C2CD3: variants seen among roughly 807,000 people sequenced by gnomAD.
C2CD3 encodes C2 domain containing 3 centriole elongation regulator.
Under a neutral mutation model 234.0 loss-of-function variants are expected in C2CD3, and 148 were observed. The observed-to-expected ratio is 0.63, with a 90% CI of 0.55 to 0.72. C2CD3 has a LOEUF of 0.72. Ranked by LOEUF, C2CD3 falls within the 30% of genes least tolerant of loss-of-function variation. The pLI, the probability that C2CD3 is intolerant of heterozygous loss-of-function variation, is 0.00. For synonymous variants in C2CD3, 1,000 were observed against 1,035.4 expected, an observed-to-expected ratio of 0.97 and a Z score of 0.66; for missense variants, 2,577 against 2,811.5, an observed-to-expected ratio of 0.92 and a Z score of 1.89.
intron 31 of C2CD3, among the ~76,000 whole-genome samples, chr11:74,029,390 T>A (rs1229537672): frequency 1.3e-5 from 2 of 152,266 alleles, no homozygotes; most frequent in African/African-American, 4.8e-5. Flanking sequence ...TCCTGTCACC[T>A]AGCATAGTAC....
chr11:74,094,316 T>C (rs1956025211), intron 17 of C2CD3, among the ~76,000 whole-genome samples: 1 of 152,164 alleles, frequency 6.6e-6, no homozygotes, highest in African/African-American at 2.4e-5. Context: ...CATGTGCTTA[T>C]TAGCCATTTG....
In C2CD3 at chr11:74,037,633, A is replaced by G. The variant is rs138354490; in HGVS notation, c.5726T>C (p.Leu1909Pro). 285 of 1,614,026 alleles carry G rather than the reference A, an allele frequency of 1.8e-4. No individual in the cohort carries two copies. Among genetic ancestry groups the G allele is most frequent in the Middle Eastern group, 4.9e-4 (3 of 6,084 alleles). ...YFRQKLTKPF[L>P]PLSPQTQTAI... The stretch of plus-strand genomic sequence containing the variant: ...CGTTTGAGTCTGAGGGCTGAGGGGT[A>G]GGAAAGGCTTGGTGAGCTTCTGGCG... Residue 1909 changes from leucine to proline, a missense_variant, in exon 30 of 33, where the codon CTA becomes CCA. Leu to Pro is a moderately conservative substitution (Grantham distance 98). Coordinates refer to ENST00000334126, the MANE Select transcript of C2CD3 (RefSeq NM_001286577.2).
intron 22 of C2CD3, among the ~76,000 whole-genome samples, chr11:74,082,582 T>A (rs990279670): frequency 6.6e-6 from 1 of 152,190 alleles, no homozygotes; most frequent in African/African-American, 2.4e-5. Context: ...TGTGATGGAT[T>A]ATGTTTATTG....
chr11:74,108,222 A>G (rs2135502674), intron 12 of C2CD3: 1 of 152,130 alleles, frequency 6.6e-6, no homozygotes, highest in African/African-American at 2.4e-5. Context: ...ATGTAAATAC[A>G]TTGAAATGTT....
At chr11:74,091,573 C>T (rs1955895368) in intron 19 of C2CD3, among the ~76,000 whole-genome samples, 2 of 152,198 alleles carry the variant, frequency 1.3e-5, no homozygotes, top group Admixed American at 6.5e-5. Context: ...AGAGGGTACA[C>T]CATCCTGCTG....
rs942698494 is a variant in C2CD3, at chr11:74,078,502, T to G, written c.4216A>C (p.Thr1406Pro). Residue 1406 changes from threonine to proline, a missense_variant, in exon 23 of 33, where the codon ACT (threonine) becomes CCT (proline). Physicochemically the swap from Thr to Pro is conservative, Grantham distance 38. Coordinates refer to ENST00000334126, the MANE Select transcript of C2CD3 (RefSeq NM_001286577.2). ...FVRMDEGEPATVTISTPRLWL... is the reference protein window; with the variant it reads ...FVRMDEGEPAPVTISTPRLWL... Reference sequence around the variant, plus strand: ...AGCCTTGGGGTGGAGATGGTGACAGTGGCTGGCTCCCCTTCATCCATTCTG... The same window carrying G: ...AGCCTTGGGGTGGAGATGGTGACAGGGGCTGGCTCCCCTTCATCCATTCTG... 1.2e-6 allele frequency: 2 copies of G among 1,614,050 alleles called. No homozygotes were observed. Among genetic ancestry groups the G allele is most frequent in the African/African-American group, 2.7e-5 (2 of 74,932 alleles).
intron 24 of C2CD3, among the ~76,000 whole-genome samples, chr11:74,059,226 T>C (rs537267821): frequency 7.2e-5 from 11 of 151,888 alleles, no homozygotes; most frequent in African/African-American, 1.7e-4. Flanking sequence ...CTGCCTAACA[T>C]GGTGAAACCC....
At chr11:74,139,110 TGTAAATCTC>T (rs1957963410) in intron 4 of C2CD3, 143 bp from the exon 5 acceptor site, 1 of 622,728 alleles carries the variant, frequency 1.6e-6, no homozygotes, top group South Asian at 2.1e-5. Flanking sequence ...AATACAACTT[TGTAAATCTC>T]TTTTTCATCT....
chr11:74,042,280 G>A, intron 28 of C2CD3, 62 bp from the exon 29 acceptor site: 5 of 1,499,708 alleles, frequency 3.3e-6, no homozygotes, highest in Non-Finnish European at 4.5e-6. Context: ...TGAGAACACT[G>A]CTAGTGTGAC....
At chr11:74,048,424 A>G in intron 27 of C2CD3, 86 bp from the exon 28 acceptor site, 1 of 1,349,390 alleles carries the variant, frequency 7.4e-7, no homozygotes, top group Non-Finnish European at 1.0e-6. Flanking sequence ...TGTAAAATTT[A>G]TTGTGTGCAT....
intron 24 of C2CD3, among the ~76,000 whole-genome samples, chr11:74,061,960 C>G (rs914721344): frequency 6.6e-6 from 1 of 151,880 alleles, no homozygotes; most frequent in African/African-American, 2.4e-5. Flanking sequence ...AAAAAAAAAG[C>G]AGGGGTTGCA....
At chr11:74,091,921 T>A (rs1342848403) in intron 19 of C2CD3, among the ~76,000 whole-genome samples, 2 of 152,108 alleles carry the variant, frequency 1.3e-5, no homozygotes, top group East Asian at 3.8e-4. Context: ...AGACAAGGTG[T>A]CTTACAGTTT....
intron 3 of C2CD3, among the ~76,000 whole-genome samples, chr11:74,159,547 T>A (rs1856296633): frequency 6.6e-6 from 1 of 151,634 alleles, no homozygotes; most frequent in Non-Finnish European, 1.5e-5. Context: ...GTTTAAAGAG[T>A]TAAAAAAAAA....
At chr11:74,162,107 A>T (rs765885426) in intron 2 of C2CD3, among the ~76,000 whole-genome samples, 2 of 152,104 alleles carry the variant, frequency 1.3e-5, no homozygotes, top group Non-Finnish European at 2.9e-5. Context: ...TGAGGCACCA[A>T]GGCTAGCCTA....
intron 32 of C2CD3, among the ~76,000 whole-genome samples, chr11:74,018,778 G>A (rs1364301101): frequency 6.6e-6 from 1 of 152,234 alleles, no homozygotes; most frequent in Non-Finnish European, 1.5e-5. Context: ...CCAGCCCTGA[G>A]AGGCAAATCC....
intron 13 of C2CD3, among the ~76,000 whole-genome samples, chr11:74,104,518 G>T (rs1385824988): frequency 1.3e-5 from 2 of 152,020 alleles, no homozygotes; most frequent in Non-Finnish European, 2.9e-5. Context: ...GTACATGTAT[G>T]GGGGGAGGAG....
intron 5 of C2CD3, among the ~76,000 whole-genome samples, chr11:74,137,770 G>C (rs754685215): frequency 5.3e-5 from 8 of 151,788 alleles, no homozygotes; most frequent in Non-Finnish European, 1.2e-4. Context: ...ATTTTTAGTA[G>C]AGACAGGGTT....
chr11:74,115,250 TTATACACACACAACATA>T (rs1956885568), intron 9 of C2CD3, among the ~76,000 whole-genome samples: 1 of 150,742 alleles, frequency 6.6e-6, no homozygotes, highest in Non-Finnish European at 1.5e-5. Flanking sequence ...ATACACACAC[TTATACACACACAACATA>T]TATACACACA....
chr11:74,117,085 TGA>T (rs1565313383), intron 9 of C2CD3, among the ~76,000 whole-genome samples: 4 of 68,424 alleles, frequency 5.8e-5, no homozygotes, highest in Non-Finnish European at 1.0e-4. Flanking sequence ...AATATATATA[TGA>T]ATATATATAT....
Sources: allele counts gnomAD v4.1 joint callset (sites outside exome capture counted in the v4.1 genomes callset), GRCh38; gene constraint gnomAD v4.1.1; transcripts MANE v1.5; gene names NCBI Gene and HGNC (gene_info 2026-07-23, HGNC 2026-07-21).